Variants in NUCB1 observed in about 807,000 individuals in gnomAD.
The protein encoded by NUCB1 is nucleobindin-1.
A neutral mutation model predicts 61.2 loss-of-function variants in NUCB1; 47 were observed. The observed-to-expected ratio is 0.77, with a 90% CI of 0.61 to 0.98. The LOEUF is 0.98. Ranked by LOEUF, NUCB1 falls within the 50% of genes least tolerant of loss-of-function variation. The pLI is 0.00. For synonymous variants in NUCB1, 234 were observed against 243.1 expected (o/e 0.96, Z 0.35); for missense variants, 583 against 605.3 (o/e 0.96, Z 0.39).
chr19:48,912,914 C>T (rs147572731), intron 5 of NUCB1, 97 bp from the exon 6 acceptor site: 8,816 of 866,358 alleles, frequency 0.01, 69 homozygotes, highest in Non-Finnish European at 0.012. Flanking sequence ...TGGGGCTGCC[C>T]TCAGCCAGGT....
intron 4 of NUCB1, among the ~76,000 whole-genome samples, chr19:48,907,941 T>G (rs78120516): frequency 0.05 from 7,563 of 152,278 alleles, 273 homozygotes; most frequent in East Asian, 0.12. Flanking sequence ...ACATTCTTTC[T>G]CAGGGCTCTT....
chr19:48,907,418 G>C (rs1271251099), intron 4 of NUCB1, among the ~76,000 whole-genome samples: 1 of 151,810 alleles, frequency 6.6e-6, no homozygotes, highest in Non-Finnish European at 1.5e-5. Flanking sequence ...TGGGATTACA[G>C]GTGTGTGCCA....
intron 4 of NUCB1, among the ~76,000 whole-genome samples, chr19:48,908,766 T>TGTG (rs2037441736): frequency 1.0e-5 from 1 of 99,882 alleles, no homozygotes; most frequent in Non-Finnish European, 2.2e-5. Context: ...GTGTGTGTCT[T>TGTG]TCTCCCCACC....
At position 48,922,319 on chromosome 19, in the gene NUCB1, C is replaced by T. The variant is rs62641719; in HGVS notation, c.1281C>T (p.Asp427=). The T allele has an allele frequency of 6.8e-3, 11,036 of 1,612,854 alleles. 632 individuals carry two copies. The African/African-American group carries it at 0.13, about 19-fold the overall frequency. The change falls in exon 13 of 13, where the codon GAC becomes GAT. Residue 427 remains aspartate, a splice_region_variant and synonymous_variant. Coordinates refer to ENST00000405315, the MANE Select transcript of NUCB1 (RefSeq NM_006184.6). Reference sequence around the variant, plus strand: ...ACCATTCCCTCCCTCCATTTCCAGACGATGTACCTGTCCCAGCTCCAGCCG... The same window carrying T: ...ACCATTCCCTCCCTCCATTTCCAGATGATGTACCTGTCCCAGCTCCAGCCG... ...EGQLKFHPDT[D]DVPVPAPAGD...
chr19:48,919,382 G>A, intron 10 of NUCB1, 96 bp downstream of exon 10: 1 of 884,116 alleles, frequency 1.1e-6, no homozygotes, highest in Non-Finnish European at 1.8e-6. Flanking sequence ...TTCTCTCTGG[G>A]TCCCCGTCCA....
At chr19:48,922,058 A>T in intron 12 of NUCB1, 126 bp downstream of exon 12, 2 of 746,478 alleles carry the variant, frequency 2.7e-6, no homozygotes, top group Non-Finnish European at 4.2e-6. Context: ...CCCAGATCTG[A>T]GGGAAGAGGG....
intron 4 of NUCB1, among the ~76,000 whole-genome samples, chr19:48,908,695 G>GTGTGTGTGTGTGTGTGTC (rs1269071160): frequency 7.2e-6 from 1 of 138,398 alleles, no homozygotes; most frequent in African/African-American, 2.7e-5. Flanking sequence ...GTGTGTGTGT[G>GTGTGTGTGTGTGTGTGTC]TGTCTTTCTG....
intron 2 of NUCB1, chr19:48,901,200 C>T (rs2037350751): frequency 3.4e-6 from 2 of 586,130 alleles, no homozygotes; most frequent in East Asian, 5.9e-5. Context: ...AATTTGAAAA[C>T]AAACAAACAA....
At chr19:48,911,501 G>C (rs1458092970) in intron 5 of NUCB1, among the ~76,000 whole-genome samples, 4 of 151,190 alleles carry the variant, frequency 2.6e-5, no homozygotes, top group African/African-American at 9.7e-5. Context: ...CGCCTCCCGG[G>C]TTCAAGCGAT....
chr19:48,917,096 A>G (rs2037548813), intron 7 of NUCB1, among the ~76,000 whole-genome samples: 3 of 151,676 alleles, frequency 2.0e-5, no homozygotes, highest in Admixed American at 1.3e-4. Flanking sequence ...GGTGGCGTGC[A>G]TCTGTAGTCC....
At chr19:48,911,481 C>G (rs1465532233) in intron 5 of NUCB1, among the ~76,000 whole-genome samples, 1 of 149,388 alleles carries the variant, frequency 6.7e-6, no homozygotes, top group Non-Finnish European at 1.5e-5. Flanking sequence ...TCTCGGCTCA[C>G]TGCAACCTCC....
chr19:48,905,046 C>T (rs3786733), intron 3 of NUCB1, among the ~76,000 whole-genome samples: 141,818 of 152,242 alleles, frequency 0.93, 66,141 homozygotes, highest in African/African-American at 0.98. Flanking sequence ...AGTTTCCCCA[C>T]CTGTAAAATG....
At chr19:48,909,233 A>C (rs1190822108) in intron 4 of NUCB1, among the ~76,000 whole-genome samples, 1 of 146,868 alleles carries the variant, frequency 6.8e-6, no homozygotes. Context: ...ATTTTTTATT[A>C]ATTATTATTA....
intron 7 of NUCB1, among the ~76,000 whole-genome samples, chr19:48,915,995 ACT>A (rs1474014313): frequency 2.0e-5 from 3 of 152,064 alleles, no homozygotes. Context: ...GTATATTTAC[ACT>A]GTCATGCAAC....
chr19:48,912,312 C>A (rs2037483225), intron 5 of NUCB1, among the ~76,000 whole-genome samples: 1 of 152,100 alleles, frequency 6.6e-6, no homozygotes, highest in Non-Finnish European at 1.5e-5. Flanking sequence ...AGGCGTGACC[C>A]ACCTCTCCTA....
At chr19:48,917,806 C>CTTTT (rs60037055) in intron 7 of NUCB1, among the ~76,000 whole-genome samples, 1 of 139,268 alleles carries the variant, frequency 7.2e-6, no homozygotes, top group African/African-American at 2.7e-5. Flanking sequence ...CAATTTTTTA[C>CTTTT]TTTTTTTTTT....
intron 7 of NUCB1, 77 bp downstream of exon 7, chr19:48,913,641 G>A (rs2037505338): frequency 7.2e-6 from 9 of 1,249,670 alleles, no homozygotes; most frequent in Non-Finnish European, 1.1e-5. Flanking sequence ...GCTAAGAGGG[G>A]TGTGTCTGTC....
intron 7 of NUCB1, among the ~76,000 whole-genome samples, chr19:48,914,995 A>T (rs530579973): frequency 1.3e-5 from 2 of 151,838 alleles, no homozygotes; most frequent in African/African-American, 4.8e-5. Context: ...TGGGAGAATC[A>T]CTTGAACCCG....
chr19:48,921,718 G>A lies in NUCB1; in HGVS notation c.1174-109G>A, dbSNP rs577190368. ...GAGGCCCACGGAGAAGGGGTTGGCC[G>A]TGACCACTTAGCAGGCTGCTGTGAA... On this transcript the variant is annotated intron_variant, in intron 11 of 12. Coordinates refer to ENST00000405315, the MANE Select transcript of NUCB1 (RefSeq NM_006184.6). 2.2e-5 allele frequency: 23 copies of A among 1,031,936 alleles called. No homozygotes were observed. In the East Asian group the frequency reaches 2.8e-4, roughly 13 times the overall value. 63.9% of individuals were successfully genotyped at this position (1,031,936 alleles called of 1,614,324 possible). A position where few individuals can be genotyped will look rare whatever the true frequency, so the allele number is the denominator to read the frequency against.
Sources: gnomAD v4.1 joint callset for allele counts (sites outside exome capture counted in the v4.1 genomes callset) on GRCh38, gnomAD v4.1.1 for gene constraint, MANE v1.5 for transcripts, NCBI Gene and HGNC (gene_info 2026-07-23, HGNC 2026-07-21) for gene names.